The following DNAH2 variants were observed in gnomAD, a reference collection of about 807,000 sequenced individuals.
DNAH2 encodes the protein axonemal beta dynein heavy chain 2.
Under a neutral mutation model 523.5 loss-of-function variants are expected in DNAH2, and 323 were observed. The observed-to-expected ratio is 0.62, with a 90% CI of 0.56 to 0.68. The LOEUF (loss-of-function observed/expected upper bound fraction) is 0.68. Among genes scored for constraint, DNAH2 ranks in the 30% least tolerant of loss-of-function variants. The probability of loss-of-function intolerance (pLI) is 0.00; values close to 1 mark genes in which losing one functional copy is unlikely to be tolerated. For missense variants in DNAH2, 4,907 were observed against 5,701.5 expected (o/e 0.86, Z 4.49); for synonymous variants, 2,093 against 2,177.4 (o/e 0.96, Z 1.08).
At chr17:7,776,955 A>G (rs1239670676) in intron 32 of DNAH2, 66 bp downstream of exon 32, 12 of 1,355,980 alleles carry the variant, frequency 8.8e-6, no homozygotes, top group Non-Finnish European at 1.1e-5. Flanking sequence ...AGGTGGTAGG[A>G]GCCCACTCGC....
At chr17:7,719,127 C>CTTTT (rs34833123) in intron 1 of DNAH2, among the ~76,000 whole-genome samples, 1 of 136,466 alleles carries the variant, frequency 7.3e-6, no homozygotes, top group East Asian at 2.1e-4. Context: ...GTCTGGCCAT[C>CTTTT]TTTTTTTTTT....
chr17:7,772,752 TTTTGTTTGTTTGTTTG>T (rs150502949), intron 28 of DNAH2, among the ~76,000 whole-genome samples: 7 of 150,944 alleles, frequency 4.6e-5, no homozygotes, highest in Non-Finnish European at 1.0e-4. Flanking sequence ...CACATTGGTT[TTTTGTTTGTTTGTTTG>T]TTTGTTTGTT....
chr17:7,745,745 G>A (rs1014832353), intron 12 of DNAH2, among the ~76,000 whole-genome samples: 6 of 149,540 alleles, frequency 4.0e-5, no homozygotes, highest in Non-Finnish European at 8.9e-5. Context: ...AGCTGTGATC[G>A]TGCCACTGCA....
rs200133101 is a variant in DNAH2, at chr17:7,770,746, G to A, written c.4182-7G>A. On this transcript the variant is annotated splice_region_variant and splice_polypyrimidine_tract_variant and intron_variant, in intron 26 of 85. Coordinates refer to ENST00000572933, the MANE Select transcript of DNAH2 (RefSeq NM_020877.5). ...ATGAACTATGATTTTGACCCCTTGT[G>A]TCTCAGAGGTACAGAAGAAGTATTC... 1.9e-6 allele frequency: 3 copies of A among 1,614,150 alleles called. No individual in the cohort carries two copies. Among genetic ancestry groups the A allele is most frequent in the East Asian group, 4.5e-5 (2 of 44,884 alleles).
At chr17:7,736,155 G>A (rs1168849378) in intron 7 of DNAH2, among the ~76,000 whole-genome samples, 1 of 152,118 alleles carries the variant, frequency 6.6e-6, no homozygotes, top group African/African-American at 2.4e-5. Context: ...GATTATAGGT[G>A]TGAGCCACCA....
chr17:7,788,211 G>A lies in DNAH2; in HGVS notation c.6867G>A (p.Lys2289=), dbSNP rs747156642. 6.2e-7 allele frequency: 1 copy of A among 1,604,438 alleles called. No individual in the cohort carries two copies. The highest frequency in any genetic ancestry group is 8.5e-7 in the Non-Finnish European group (1 of 1,175,546). ...PEYSGITSLC[K]LYSALATPEN... ...ACAGCGGTATCACCTCCCTCTGCAA[G>A]CTGTACTCTGCCCTGGCCACGCCAG... The change falls in exon 44 of 86, where the codon AAG becomes AAA. Residue 2289 remains lysine (K), a synonymous_variant. Transcript: ENST00000572933.
chr17:7,764,057 AG>A lies in DNAH2; in HGVS notation c.3179+31del, dbSNP rs777580301. The A allele has an allele frequency of 9.9e-6, 16 of 1,614,028 alleles. No individual in the cohort carries two copies. The African/African-American group carries it at 2.0e-4, about 20-fold the overall frequency. On this transcript the variant is annotated intron_variant, in intron 19 of 85. Coordinates refer to ENST00000572933, the MANE Select transcript of DNAH2 (RefSeq NM_020877.5). ...GTGCGGGCTGGGGCGCCCCACAGGA[AG>A]GGGGCAGGGGCAGGCACTGGGCCTT...
Position 7,733,182 on chromosome 17 carries a change from C to T in DNAH2, c.495C>T (p.Gly165=), listed in dbSNP as rs141741337. ...CTGTGCAGTTTGGGACGGTGCGGGG[C>T]CCCTATATCCCGGCCCTGCTTCGGC... The part of the protein sequence containing the change: ...EATVQFGTVR[G]PYIPALLRLL... Residue 165 remains glycine (G), a synonymous_variant, in exon 5 of 86, where the codon GGC becomes GGT. Transcript: ENST00000572933. 2.5e-6 allele frequency: 4 copies of T among 1,614,064 alleles called. No homozygotes were observed. The African/African-American group carries it at 5.3e-5, about 22-fold the overall frequency.
chr17:7,766,443 G>A lies in DNAH2; in HGVS notation c.3637G>A (p.Glu1213Lys), dbSNP rs35788701. The stretch of plus-strand genomic sequence containing the variant: ...AGCCAACCTGGGCATCTTCAAGATC[G>A]AGCAGCCACCCTCCAAGGACCTTCA... ...LRANLGIFKI[E>K]QPPSKDLQNL... The change falls in exon 22 of 86, where the codon GAG (glutamate) becomes AAG (lysine). Residue 1213 changes from glutamate to lysine, a missense_variant. Around this residue, in one of 3 missense-constraint regions of DNAH2, gnomAD observed 2,806 missense variants for 3,190.8 expected, o/e 0.88. Transcript: ENST00000572933. 29,810 of 1,613,838 alleles carry A rather than the reference G, an allele frequency of 0.018. 324 individuals are homozygous for A. Among genetic ancestry groups the A allele is most frequent in the Non-Finnish European group, 0.02 (24,155 of 1,179,906 alleles).
At chr17:7,814,122 C>T (rs1259937781) in intron 63 of DNAH2, among the ~76,000 whole-genome samples, 4 of 147,364 alleles carry the variant, frequency 2.7e-5, no homozygotes, top group East Asian at 2.0e-4. Flanking sequence ...AAGACTTCCC[C>T]TTAACCGGGT....
chr17:7,814,378 AC>A (rs1597745478), intron 63 of DNAH2, among the ~76,000 whole-genome samples: 1 of 152,134 alleles, frequency 6.6e-6, no homozygotes, highest in Admixed American at 6.6e-5. Context: ...TTGGCAAAAA[AC>A]AAGTAGATGA....
chr17:7,833,019 C>G (rs1005757210), intron 84 of DNAH2, 52 bp from the exon 85 acceptor site: 2 of 1,612,688 alleles, frequency 1.2e-6, no homozygotes, highest in African/African-American at 1.3e-5. Context: ...AGGTCAGGGG[C>G]GCTGGCAATT....
intron 12 of DNAH2, among the ~76,000 whole-genome samples, chr17:7,748,467 T>C (rs2075578044): frequency 1.3e-5 from 2 of 152,174 alleles, no homozygotes; most frequent in South Asian, 4.1e-4. Context: ...TATGAAGTAT[T>C]TTTAAAAAGT....
At position 7,792,871 on chromosome 17, in the gene DNAH2, A is replaced by G. The variant is rs1567707538; in HGVS notation, c.7344+16A>G. On this transcript the variant is annotated intron_variant, in intron 47 of 85. Transcript: ENST00000572933. ...GTCCGCACAGGTGTGTCGGGGATCC[A>G]GGGGCCAGGCTGCCGGCTCCCTTGG... The G allele has an allele frequency of 8.7e-6, 14 of 1,607,558 alleles. No individual in the cohort carries two copies. Among genetic ancestry groups the G allele is most frequent in the Non-Finnish European group, 1.1e-5 (13 of 1,174,426 alleles).
chr17:7,778,089 T>G lies in DNAH2; in HGVS notation c.5260T>G (p.Cys1754Gly), dbSNP rs749193380. 3.1e-6 allele frequency: 5 copies of G among 1,613,906 alleles called. No homozygotes were observed. In the African/African-American group the frequency reaches 6.7e-5, roughly 22 times the overall value. The change falls in exon 34 of 86, where the codon TGT (cysteine) becomes GGT (glycine). Residue 1754 changes from cysteine to glycine, a missense_variant. Cys to Gly is a radical substitution (Grantham distance 159). Around this residue, in one of 3 missense-constraint regions of DNAH2, gnomAD observed 2,806 missense variants for 3,190.8 expected, o/e 0.88. Transcript: ENST00000572933. ...RFYWEKDLDDCVIRQTNTQFQ... is the reference protein window; with the variant it reads ...RFYWEKDLDDGVIRQTNTQFQ... Reference sequence around the variant, plus strand: ...CTGTTTTCCCCAGGATCTTGATGACTGTGTCATCCGCCAGACCAACACGCA... The same window carrying G: ...CTGTTTTCCCCAGGATCTTGATGACGGTGTCATCCGCCAGACCAACACGCA...
chr17:7,756,284 T>A lies in DNAH2; in HGVS notation c.1905-807T>A, dbSNP rs12952676. Among the ~76,000 whole-genome samples, 403 of 151,422 alleles carry A rather than the reference T, an allele frequency of 2.7e-3. 3 individuals carry two copies. The East Asian group carries it at 0.052, about 19-fold the overall frequency. ...AAACAAGTGAATTAACTAATTAATT[T>A]ATTTATTTTGAGACAGAATCTAGCT... On this transcript the variant is annotated intron_variant, in intron 12 of 85. Transcript: ENST00000572933.
chr17:7,799,910 G>A (rs1332862267), intron 56 of DNAH2, among the ~76,000 whole-genome samples: 1 of 152,200 alleles, frequency 6.6e-6, no homozygotes, highest in African/African-American at 2.4e-5. Flanking sequence ...ACACTGTTGT[G>A]TAACAGCTCC....
Position 7,798,023 on chromosome 17 carries a change from T to C in DNAH2, c.8231-134T>C. The C allele has an allele frequency of 7.2e-7, 1 of 1,387,622 alleles. No homozygotes were observed. The highest frequency in any genetic ancestry group is 9.7e-7 in the Non-Finnish European group (1 of 1,030,318). 86.0% of individuals were successfully genotyped at this position (1,387,622 alleles called of 1,614,324 possible). A position where few individuals can be genotyped will look rare whatever the true frequency, so the allele number is the denominator to read the frequency against. On this transcript the variant is annotated intron_variant, in intron 53 of 85. Transcript: ENST00000572933. The surrounding 1 kb of genome is among the most constrained non-coding windows in gnomAD (Gnocchi z 5.5). ...AAAAGTTGAATTGCCTCCTGGGCCT[T>C]GGGCACCAACTTCTTCTCATACCTC...
Position 7,823,940 on chromosome 17 carries a change from T to C in DNAH2, c.11436T>C (p.Leu3812=). Residue 3812 remains leucine (L), a synonymous_variant, in exon 75 of 86, where the codon CTT becomes CTC. Transcript: ENST00000572933. ...FCVTSFIITN[L]GSRFIEPPVL... is the part of the protein sequence containing the mutation. ...TGACCTCCTTCATCATCACCAACCT[T>C]GGCTCCCGCTTCATCGAGCCGCCTG... 2 of 1,613,880 alleles carry C rather than the reference T, an allele frequency of 1.2e-6. No individual in the cohort carries two copies. The highest frequency in any genetic ancestry group is 1.7e-6 in the Non-Finnish European group (2 of 1,180,012).
Sources: gnomAD v4.1 joint callset for allele counts (sites outside exome capture counted in the v4.1 genomes callset) on GRCh38, gnomAD v4.1.1 for gene constraint, gnomAD v4.1.1 regional missense constraint, Gnocchi (gnomAD v3.1) non-coding constraint, MANE v1.5 for transcripts, NCBI Gene and HGNC (gene_info 2026-07-23, HGNC 2026-07-21) for gene names.